MYCBP2: variants seen among roughly 807,000 people sequenced by gnomAD.
The protein encoded by MYCBP2 is MYC binding protein 2, also known as E3 ubiquitin-protein ligase MYCBP2.
In MYCBP2, 120 loss-of-function variants were observed where a neutral mutation model predicts 525.3. That is an observed-to-expected ratio of 0.23 (90% CI 0.20 to 0.27). MYCBP2 has a LOEUF of 0.27. Among genes scored for constraint, MYCBP2 ranks in the 10% least tolerant of loss-of-function variants. MYCBP2 has a pLI of 1.00. For missense variants in MYCBP2, 4,149 were observed against 5,657.1 expected, an observed-to-expected ratio of 0.73 and a Z score of 8.55; for synonymous variants, 1,894 against 1,955.8, an observed-to-expected ratio of 0.97 and a Z score of 0.83.
At chr13:77,314,970 T>A (rs1352639507) in intron 1 of MYCBP2, among the ~76,000 whole-genome samples, 1 of 152,112 alleles carries the variant, frequency 6.6e-6, no homozygotes, top group East Asian at 1.9e-4. Flanking sequence ...TTATCAGAGA[T>A]CCCATAGACC....
intron 15 of MYCBP2, among the ~76,000 whole-genome samples, chr13:77,245,019 G>T (rs1015837070): frequency 2.0e-4 from 30 of 152,130 alleles, no homozygotes; most frequent in African/African-American, 7.2e-4. Flanking sequence ...CACCATCACT[G>T]GTCATTAGAG....
chr13:77,205,663 T>G, intron 24 of MYCBP2, 65 bp from the exon 25 acceptor site: 1 of 1,390,774 alleles, frequency 7.2e-7, no homozygotes. Context: ...ATTGATGACA[T>G]TAAATGCTAT....
At chr13:77,255,035 T>C (rs1322578142) in intron 14 of MYCBP2, among the ~76,000 whole-genome samples, 1 of 152,044 alleles carries the variant, frequency 6.6e-6, no homozygotes, top group Admixed American at 6.6e-5. Flanking sequence ...ATCTTGGTGT[T>C]GTGGATATGG....
chr13:77,177,652 T>C (rs1377218992), intron 35 of MYCBP2, 96 bp downstream of exon 35: 1 of 976,394 alleles, frequency 1.0e-6, no homozygotes, highest in Non-Finnish European at 1.6e-6. Flanking sequence ...CATTCATCAG[T>C]GATTGATCTA....
chr13:77,296,368 G>A (rs757884162), intron 2 of MYCBP2, among the ~76,000 whole-genome samples: 3 of 151,726 alleles, frequency 2.0e-5, no homozygotes, highest in Non-Finnish European at 4.4e-5. Flanking sequence ...ACTCCAGCCT[G>A]GGTGACAAAA....
intron 69 of MYCBP2, among the ~76,000 whole-genome samples, chr13:77,069,729 G>A (rs1355390130): frequency 4.0e-5 from 6 of 149,330 alleles, no homozygotes; most frequent in Non-Finnish European, 8.9e-5. Flanking sequence ...TTAGCCAGCC[G>A]TGGTGGCAGG....
chr13:77,222,161 T>C (rs188971383), intron 20 of MYCBP2, among the ~76,000 whole-genome samples: 35 of 152,258 alleles, frequency 2.3e-4, no homozygotes, highest in Admixed American at 1.9e-3. Flanking sequence ...ATTCAGCCTC[T>C]GCATTTCAGT....
rs565885414 is a variant in MYCBP2, at chr13:77,181,610, T to C, written c.4941+91A>G. 2.3e-5 allele frequency: 21 copies of C among 911,416 alleles called. No homozygotes were observed. In the African/African-American group the frequency reaches 2.8e-4, roughly 12 times the overall value. 56.5% of individuals were successfully genotyped at this position (911,416 alleles called of 1,614,324 possible). A position where few individuals can be genotyped will look rare whatever the true frequency, so the allele number is the denominator to read the frequency against. On this transcript the variant is annotated intron_variant, in intron 33 of 82. Coordinates refer to ENST00000544440, the MANE Select transcript of MYCBP2 (RefSeq NM_015057.5). Reference sequence around the variant, plus strand: ...AAATACGCTTAGCTTGGTGTGTTTATAGTTTTATTGCCTCTGTATAAAAGA... The same window carrying C: ...AAATACGCTTAGCTTGGTGTGTTTACAGTTTTATTGCCTCTGTATAAAAGA...
In MYCBP2 at chr13:77,166,317, A is replaced by G. The variant is rs1200179018; in HGVS notation, c.6340+12T>C. ...ATTTTACCACATAAAACAGAAGAAA[A>G]AAAAAACTTACCTGGCAACACCAAA... is the stretch of plus-strand genomic sequence containing the variant. On this transcript the variant is annotated intron_variant, in intron 41 of 82. Coordinates refer to ENST00000544440, the MANE Select transcript of MYCBP2 (RefSeq NM_015057.5). 6.4e-7 allele frequency: 1 copy of G among 1,574,038 alleles called. No individual in the cohort carries two copies.
intron 77 of MYCBP2, among the ~76,000 whole-genome samples, 191 bp downstream of exon 77, chr13:77,059,332 G>C (rs1315591286): frequency 6.6e-6 from 1 of 152,174 alleles, no homozygotes; most frequent in Non-Finnish European, 1.5e-5. Flanking sequence ...CATACAAAAA[G>C]AGTGTGGTTT....
At chr13:77,069,894 G>A (rs2040881384) in intron 69 of MYCBP2, among the ~76,000 whole-genome samples, 1 of 151,602 alleles carries the variant, frequency 6.6e-6, no homozygotes, top group Admixed American at 6.6e-5. Context: ...AGAATAATAG[G>A]TTAATTTAAA....
At chr13:77,122,709 A>C (rs2050963376) in intron 54 of MYCBP2, among the ~76,000 whole-genome samples, 1 of 151,244 alleles carries the variant, frequency 6.6e-6, no homozygotes, top group Non-Finnish European at 1.5e-5. Context: ...AAAAAAAAAA[A>C]GTCAATAGTC....
chr13:77,166,223 T>C, intron 41 of MYCBP2, 106 bp downstream of exon 41: 1 of 856,732 alleles, frequency 1.2e-6, no homozygotes, highest in Non-Finnish European at 1.8e-6. Flanking sequence ...AGGTCTTTAA[T>C]AAATTTCTCT....
intron 14 of MYCBP2, among the ~76,000 whole-genome samples, chr13:77,256,775 T>C (rs2072269220): frequency 6.6e-6 from 1 of 152,028 alleles, no homozygotes; most frequent in Non-Finnish European, 1.5e-5. Context: ...TTGTACACTG[T>C]TAGTGAGAAT....
At chr13:77,225,604 A>C (rs1166112033) in intron 18 of MYCBP2, 50 bp from the exon 19 acceptor site, 1 of 1,599,196 alleles carries the variant, frequency 6.3e-7, no homozygotes. Context: ...ATTCATCTTC[A>C]AAATAAAAAT....
chr13:77,125,556 T>C, intron 53 of MYCBP2, 88 bp from the exon 54 acceptor site: 1 of 1,415,088 alleles, frequency 7.1e-7, no homozygotes, highest in Non-Finnish European at 9.8e-7. Context: ...CGTGTCTGAA[T>C]AGTGTAATCA....
chr13:77,187,837 G>T (rs979804707), intron 30 of MYCBP2, among the ~76,000 whole-genome samples: 1 of 151,788 alleles, frequency 6.6e-6, no homozygotes, highest in African/African-American at 2.4e-5. Flanking sequence ...ATGAGGTCAG[G>T]GGTTCGAGAC....
intron 48 of MYCBP2, 37 bp downstream of exon 48, chr13:77,146,125 A>T: frequency 7.1e-7 from 1 of 1,404,554 alleles, no homozygotes; most frequent in Non-Finnish European, 9.7e-7. Flanking sequence ...AGCTGACAAC[A>T]CATGTTTTGG....
intron 2 of MYCBP2, among the ~76,000 whole-genome samples, chr13:77,293,255 G>T (rs2077689160): frequency 6.6e-6 from 1 of 152,084 alleles, no homozygotes; most frequent in African/African-American, 2.4e-5. Flanking sequence ...GCATGGCAAA[G>T]GTCTGAAATA....
Sources: gnomAD v4.1 joint callset for allele counts (sites outside exome capture counted in the v4.1 genomes callset) on GRCh38, gnomAD v4.1.1 for gene constraint, MANE v1.5 for transcripts, NCBI Gene and HGNC (gene_info 2026-07-23, HGNC 2026-07-21) for gene names.